The following ACKR3 variants were observed in gnomAD, a reference collection of about 807,000 sequenced individuals.
ACKR3 encodes C-X-C chemokine receptor type 7.
A neutral mutation model predicts 22.4 loss-of-function variants in ACKR3; 6 were observed. The observed-to-expected ratio is 0.27, with a 90% CI of 0.15 to 0.53. The LOEUF (loss-of-function observed/expected upper bound fraction) is 0.53, where lower values mean the gene tolerates loss of function less well. ACKR3 is among the 20% of genes least tolerant of loss of function. The pLI is 0.96. For missense variants in ACKR3, 396 were observed against 475.2 expected (o/e 0.83, Z 1.55); for synonymous variants, 209 against 205.2 (o/e 1.02, Z -0.16).
rs1691463599 is a variant in ACKR3, at chr2:236,578,766, C to A, written c.-26-1674C>A. Among the ~76,000 whole-genome samples the A allele has an allele frequency of 2.0e-5, 3 of 152,228 alleles. No homozygotes were observed. The South Asian group carries it at 6.2e-4, about 32-fold the overall frequency. ...TGTCCCAAAGGAGAAGCCCATCAAA[C>A]AACCCAGTCTCTGTGCGAGCTCCCC... On this transcript the variant is annotated intron_variant, in intron 1 of 1. Coordinates refer to ENST00000272928, the MANE Select transcript of ACKR3 (RefSeq NM_020311.3).
intron 1 of ACKR3, among the ~76,000 whole-genome samples, chr2:236,572,880 T>C (rs1691337503): frequency 2.6e-5 from 4 of 152,178 alleles, no homozygotes; most frequent in Admixed American, 2.6e-4. Context: ...TGGGAAGAGG[T>C]GGACTGTATC....
intron 1 of ACKR3, among the ~76,000 whole-genome samples, chr2:236,576,069 C>T (rs913163450): frequency 4.6e-5 from 7 of 152,156 alleles, no homozygotes; most frequent in Non-Finnish European, 1.0e-4. Flanking sequence ...CCCTGCCTGC[C>T]CTGGCATGGG....
upstream of ACKR3, among the ~76,000 whole-genome samples, chr2:236,564,473 CTGGCAACAGGG>C (rs1691139938): frequency 6.6e-6 from 1 of 152,210 alleles, no homozygotes; most frequent in African/African-American, 2.4e-5. Context: ...GACCTTCTAT[CTGGCAACAGGG>C]GCAAACTCAG....
chr2:236,559,997 A>G, the ACKR3 span, among the ~76,000 whole-genome samples: 1 of 152,224 alleles, frequency 6.6e-6, no homozygotes, highest in Non-Finnish European at 1.5e-5. Context: ...AGAGAGTGTT[A>G]GCTATTTTTA....
At chr2:236,553,023 G>C in the ACKR3 span, among the ~76,000 whole-genome samples, 2 of 152,208 alleles carry the variant, frequency 1.3e-5, no homozygotes, top group Admixed American at 1.3e-4. Context: ...AATGACACTG[G>C]CATTTTGTTT....
At chr2:236,564,688 C>T (rs6726242), upstream of ACKR3, among the ~76,000 whole-genome samples, 2,362 of 151,396 alleles carry the variant, frequency 0.016, 58 homozygotes, top group African/African-American at 0.051. Context: ...AAAAAGTCTG[C>T]AGTCTTAGGA....
chr2:236,540,712 G>T, the ACKR3 span, among the ~76,000 whole-genome samples: 1 of 151,912 alleles, frequency 6.6e-6, no homozygotes, highest in East Asian at 1.9e-4. Context: ...TTTTCCTCAC[G>T]TGGTTATCCA....
At chr2:236,563,217 C>A (rs1413944482), upstream of ACKR3, among the ~76,000 whole-genome samples, 2 of 152,158 alleles carry the variant, frequency 1.3e-5, no homozygotes, top group South Asian at 2.1e-4. Context: ...AGCAGGTGGG[C>A]AAAATAGGGA....
At chr2:236,569,575 T>C (rs1296913078), upstream of ACKR3, 5 of 152,186 alleles carry the variant, frequency 3.3e-5, no homozygotes, top group Admixed American at 3.3e-4. Flanking sequence ...TTTCCCCCCG[T>C]GGGGTTTGGA....
intron 1 of ACKR3, among the ~76,000 whole-genome samples, chr2:236,578,456 C>A (rs781564738): frequency 6.6e-6 from 1 of 152,212 alleles, no homozygotes; most frequent in Admixed American, 6.5e-5. Flanking sequence ...CCAGGCCTCC[C>A]GCTGCAGGAC....
upstream of ACKR3, among the ~76,000 whole-genome samples, chr2:236,563,196 T>C (rs993077547): frequency 1.3e-5 from 2 of 152,208 alleles, no homozygotes; most frequent in Non-Finnish European, 2.9e-5. Flanking sequence ...ACTCCCATAT[T>C]TCCATGATGA....
At chr2:236,543,334 A>G in the ACKR3 span, among the ~76,000 whole-genome samples, 2 of 152,176 alleles carry the variant, frequency 1.3e-5, no homozygotes, top group African/African-American at 4.8e-5. Context: ...AGCAGGATAT[A>G]AAAGTGGAAT....
chr2:236,548,912 T>C, the ACKR3 span, among the ~76,000 whole-genome samples: 1 of 152,212 alleles, frequency 6.6e-6, no homozygotes, highest in Non-Finnish European at 1.5e-5. The surrounding 1 kb of genome is among the most constrained non-coding windows in gnomAD (Gnocchi z 4.3). Flanking sequence ...TGGAGTGTCA[T>C]TCCTGATGAC....
At chr2:236,569,447 G>GCATT (rs1333857672), upstream of ACKR3, among the ~76,000 whole-genome samples, 2 of 152,238 alleles carry the variant, frequency 1.3e-5, no homozygotes, top group African/African-American at 4.8e-5. Flanking sequence ...GAGCGAAGAG[G>GCATT]CATTCACAGG....
chr2:236,542,575 AGAGGTCCGTCCAG>A, the ACKR3 span, among the ~76,000 whole-genome samples: 1 of 152,190 alleles, frequency 6.6e-6, no homozygotes, highest in Non-Finnish European at 1.5e-5. Context: ...ACCAGTCTCC[AGAGGTCCGTCCAG>A]GAGACGGCGT....
chr2:236,546,101 C>T, the ACKR3 span, among the ~76,000 whole-genome samples: 16 of 152,168 alleles, frequency 1.1e-4, no homozygotes, highest in Non-Finnish European at 1.8e-4. The surrounding 1 kb of genome is among the most constrained non-coding windows in gnomAD (Gnocchi z 4.9). Context: ...ACCAACGATG[C>T]GATGTTTTGC....
intron 1 of ACKR3, among the ~76,000 whole-genome samples, chr2:236,573,275 A>G (rs1691345567): frequency 6.6e-6 from 1 of 152,210 alleles, no homozygotes; most frequent in African/African-American, 2.4e-5. Flanking sequence ...TCTAACTTGC[A>G]GGCTCAGCGT....
chr2:236,581,272 C>T lies in ACKR3; in HGVS notation c.807C>T (p.His269=), dbSNP rs757104529. 60 of 1,613,986 alleles carry T rather than the reference C, an allele frequency of 3.7e-5. No individual in the cohort carries two copies. The highest frequency in any genetic ancestry group is 2.1e-4 in the South Asian group (19 of 91,086). The change falls in exon 2 of 2, where the codon CAC becomes CAT. Residue 269 remains histidine, a synonymous_variant. Transcript: ENST00000272928. The surrounding 1 kb of genome is among the most constrained non-coding windows in gnomAD (Gnocchi z 4.4). The part of the protein sequence containing the change: ...VVFLVCWLPY[H]VAVLLDIFSI... ...TCCTTGTCTGCTGGCTGCCCTACCACGTGGCGGTGCTGCTGGACATCTTCT... is the reference window on the plus strand; with the variant it reads ...TCCTTGTCTGCTGGCTGCCCTACCATGTGGCGGTGCTGCTGGACATCTTCT...
rs376338587 is a variant in ACKR3 at position 236,581,312 on chromosome 2, A to G, written c.847A>G (p.Ile283Val). 1.9e-5 allele frequency: 30 copies of G among 1,613,686 alleles called. No homozygotes were observed. The highest frequency in any genetic ancestry group is 3.3e-5 in the Admixed American group (2 of 59,994). Residue 283 changes from isoleucine (I) to valine (V), a missense_variant, in exon 2 of 2, where the codon ATC becomes GTC. Coordinates refer to ENST00000272928, the MANE Select transcript of ACKR3 (RefSeq NM_020311.3). This position sits in a 1 kb window ranked among gnomAD's most constrained non-coding sequence, Gnocchi z 4.4. ...GGACATCTTCTCCATCCTGCACTAC[A>G]TCCCTTTCACCTGCCGGCTGGAGCA... ...LLDIFSILHY[I>V]PFTCRLEHAL...
Sources: gnomAD v4.1 joint callset for allele counts (sites outside exome capture counted in the v4.1 genomes callset) on GRCh38, gnomAD v4.1.1 for gene constraint, Gnocchi (gnomAD v3.1) non-coding constraint, MANE v1.5 for transcripts, NCBI Gene and HGNC (gene_info 2026-07-23, HGNC 2026-07-21) for gene names.